The following DTNA variants were observed in gnomAD, a reference collection of about 807,000 sequenced individuals.
DTNA encodes the protein dystrophin-related protein 3.
In DTNA, 43 loss-of-function variants were observed where a neutral mutation model predicts 100.7. The ratio of observed to expected loss-of-function variants is 0.43; its 90% CI spans 0.33 to 0.55. The LOEUF is 0.55. DTNA is among the 20% of genes least tolerant of loss of function. The pLI is 0.04. For missense variants in DTNA, 798 were observed against 953.9 expected, an observed-to-expected ratio of 0.84 and a Z score of 2.15; for synonymous variants, 349 against 347.9, an observed-to-expected ratio of 1.00 and a Z score of -0.04.
Position 34,889,136 on chromosome 18 carries a change from T to TA in DTNA, c.*1408dup, listed in dbSNP as rs35125248. On this transcript the variant is annotated 3_prime_UTR_variant, in exon 23 of 23. Transcript: ENST00000444659. ...TACTTGCTTCAAGATTTGATTTTTT[T>TA]AAAAAAGCCTGCGACCTATTCAATA... 0.23 allele frequency: 225,458 copies of TA among 985,188 alleles called. 29,981 individuals are homozygous for TA. Among genetic ancestry groups the TA allele is most frequent in the African/African-American group, 0.58 (33,425 of 57,240 alleles). The allele number at this position is 985,188 out of a possible 1,614,324, so 61.0% of individuals were successfully genotyped here.
At chr18:34,776,670 T>C (rs1251379237) in intron 3 of DTNA, among the ~76,000 whole-genome samples, 1 of 152,186 alleles carries the variant, frequency 6.6e-6, no homozygotes, top group South Asian at 2.1e-4. Context: ...ACAAAATGAA[T>C]TCAATCTCAA....
intron 18 of DTNA, among the ~76,000 whole-genome samples, chr18:34,876,390 T>C (rs511638): frequency 0.3 from 46,099 of 152,052 alleles, 7,528 homozygotes; most frequent in African/African-American, 0.43. Flanking sequence ...CCATTTCCAG[T>C]ATATGTGTCA....
chr18:34,828,136 C>T (rs148247526), intron 10 of DTNA, among the ~76,000 whole-genome samples: 68 of 152,224 alleles, frequency 4.5e-4, no homozygotes, highest in African/African-American at 1.5e-3. Context: ...AGGATAAAGA[C>T]CAAACTTGGA....
intron 14 of DTNA, among the ~76,000 whole-genome samples, chr18:34,851,119 T>C (rs1286537291): frequency 6.6e-6 from 1 of 152,198 alleles, no homozygotes; most frequent in Non-Finnish European, 1.5e-5. Flanking sequence ...TATTTATTTT[T>C]GTGAGATGGA....
intron 1 of DTNA, among the ~76,000 whole-genome samples, chr18:34,668,283 AT>A (rs1314134571): frequency 6.6e-6 from 1 of 152,120 alleles, no homozygotes; most frequent in Non-Finnish European, 1.5e-5. Flanking sequence ...CCCCTTTATC[AT>A]TTTTTATTGC....
chr18:34,787,858 T>A (rs558267424), intron 3 of DTNA, among the ~76,000 whole-genome samples: 6 of 152,334 alleles, frequency 3.9e-5, no homozygotes, highest in African/African-American at 9.6e-5. Flanking sequence ...TCTTAGGTCT[T>A]AATAATTAAT....
intron 1 of DTNA, among the ~76,000 whole-genome samples, chr18:34,579,944 A>C (rs956819349): frequency 6.6e-6 from 1 of 152,068 alleles, no homozygotes; most frequent in Non-Finnish European, 1.5e-5. Flanking sequence ...GGCTCCAATT[A>C]CAAATATCTT....
intron 3 of DTNA, among the ~76,000 whole-genome samples, chr18:34,777,813 C>T (rs1480914170): frequency 1.3e-5 from 2 of 152,226 alleles, no homozygotes; most frequent in African/African-American, 4.8e-5. Flanking sequence ...ATAGGGATTA[C>T]AGATCCCTCT....
intron 1 of DTNA, among the ~76,000 whole-genome samples, chr18:34,679,992 A>T (rs972266844): frequency 2.6e-5 from 4 of 152,178 alleles, no homozygotes; most frequent in African/African-American, 9.7e-5. Flanking sequence ...ATGAGACAAA[A>T]TTTTTGATGG....
intron 15 of DTNA, among the ~76,000 whole-genome samples, chr18:34,857,481 G>A (rs1350500630): frequency 6.6e-6 from 1 of 152,148 alleles, no homozygotes; most frequent in African/African-American, 2.4e-5. Context: ...GACTCACTTA[G>A]GGATAATTTG....
At chr18:34,887,628 AGTGTGTGTGTGCAT>A in intron 22 of DTNA, 124 bp from the exon 23 acceptor site, 2 of 567,954 alleles carry the variant, frequency 3.5e-6, no homozygotes, top group Non-Finnish European at 4.5e-6. Context: ...GTAGGAAAGG[AGTGTGTGTGTGCAT>A]GTGTGTGTGT....
chr18:34,633,563 A>C (rs571107780), intron 1 of DTNA, among the ~76,000 whole-genome samples: 4 of 152,290 alleles, frequency 2.6e-5, no homozygotes, highest in Non-Finnish European at 4.4e-5. Flanking sequence ...TCGGGATGGC[A>C]GAGGGCCAGG....
chr18:34,683,902 T>C (rs894119346), intron 1 of DTNA, among the ~76,000 whole-genome samples: 1 of 152,106 alleles, frequency 6.6e-6, no homozygotes, highest in Non-Finnish European at 1.5e-5. Flanking sequence ...ACATAATATG[T>C]AAATCTAATG....
At position 34,656,498 on chromosome 18, in the gene DTNA, C is replaced by G. The variant is rs527492229; in HGVS notation, c.-1-99478C>G. 3.3e-5 allele frequency among the ~76,000 whole-genome samples: 5 copies of G among 152,234 alleles called. No homozygotes were observed. In the East Asian group the frequency reaches 7.7e-4, roughly 24 times the overall value. The stretch of plus-strand genomic sequence containing the variant: ...AAATGAGCTGCCAGTCACCATTAAC[C>G]CCTTCCCTTCTGAACTTCCAGGTCA... On this transcript the variant is annotated intron_variant, in intron 1 of 19. Transcript: ENST00000283365.
intron 4 of DTNA, among the ~76,000 whole-genome samples, chr18:34,803,473 G>C (rs1031283854): frequency 1.3e-5 from 2 of 152,016 alleles, no homozygotes; most frequent in African/African-American, 4.8e-5. Flanking sequence ...AGAACTCTCT[G>C]TTCCAAAATC....
chr18:34,885,283 T>C (rs2096911500), intron 22 of DTNA, among the ~76,000 whole-genome samples: 1 of 152,196 alleles, frequency 6.6e-6, no homozygotes, highest in African/African-American at 2.4e-5. Context: ...GAGGAAAAAT[T>C]CTGCAGCCTT....
intron 1 of DTNA, among the ~76,000 whole-genome samples, chr18:34,515,037 G>A (rs1256735958): frequency 6.6e-6 from 1 of 151,378 alleles, no homozygotes; most frequent in Non-Finnish European, 1.5e-5. Context: ...TTGGGGGTTT[G>A]TTTAGTTCAG....
At chr18:34,546,941 C>A (rs533704886) in intron 1 of DTNA, among the ~76,000 whole-genome samples, 1 of 151,938 alleles carries the variant, frequency 6.6e-6, no homozygotes, top group East Asian at 1.9e-4. Flanking sequence ...GAACTCCCAA[C>A]CTCAATCCAC....
At chr18:34,562,434 G>T (rs1188407547) in intron 1 of DTNA, among the ~76,000 whole-genome samples, 3 of 152,122 alleles carry the variant, frequency 2.0e-5, no homozygotes, top group African/African-American at 7.2e-5. Context: ...ATTCCACTTT[G>T]TTCTATTCTT....
Sources: allele counts gnomAD v4.1 joint callset (sites outside exome capture counted in the v4.1 genomes callset), GRCh38; gene constraint gnomAD v4.1.1; transcripts MANE v1.5; gene names NCBI Gene and HGNC (gene_info 2026-07-23, HGNC 2026-07-21).